RGS17: variants seen among roughly 807,000 people sequenced by gnomAD.
The protein encoded by RGS17 is regulator of G protein signaling 17.
In RGS17, 12 loss-of-function variants were observed where a neutral mutation model predicts 25.5. That is an observed-to-expected ratio of 0.47 (90% CI 0.30 to 0.76). RGS17 has a LOEUF of 0.76. Ranked by LOEUF, RGS17 falls within the 30% of genes least tolerant of loss-of-function variation. The pLI is 0.07. For synonymous variants in RGS17, 71 were observed against 76.9 expected (o/e 0.92, Z 0.40); for missense variants, 196 against 242.2 (o/e 0.81, Z 1.27).
chr6:153,070,997 G>C (rs1223941069), intron 1 of RGS17, among the ~76,000 whole-genome samples: 3 of 149,728 alleles, frequency 2.0e-5, no homozygotes, highest in South Asian at 4.2e-4. Context: ...GTGTATATAT[G>C]TACATGTGTA....
chr6:153,097,230 T>C (rs1777226207), intron 1 of RGS17, among the ~76,000 whole-genome samples: 2 of 151,738 alleles, frequency 1.3e-5, no homozygotes, highest in Non-Finnish European at 2.9e-5. Context: ...CTCCTTTAAT[T>C]CAATGGTTAT....
At chr6:153,097,805 T>C (rs1449418763) in intron 1 of RGS17, among the ~76,000 whole-genome samples, 3 of 151,902 alleles carry the variant, frequency 2.0e-5, no homozygotes, top group Non-Finnish European at 2.9e-5. Flanking sequence ...TGGTGAAAAT[T>C]AGGGTGAGTG....
intron 4 of RGS17, among the ~76,000 whole-genome samples, chr6:153,020,103 A>ATT (rs1562312899): frequency 0.012 from 403 of 34,500 alleles, 15 homozygotes; most frequent in African/African-American, 0.049. Flanking sequence ...AATATCTTAA[A>ATT]AAAAAAAAAT....
At chr6:153,115,443 A>C (rs1480280397) in intron 1 of RGS17, among the ~76,000 whole-genome samples, 1 of 152,016 alleles carries the variant, frequency 6.6e-6, no homozygotes, top group Admixed American at 6.6e-5. Context: ...ACAAATGGTA[A>C]AACATTCCAT....
intron 2 of RGS17, among the ~76,000 whole-genome samples, chr6:153,026,934 T>G (rs1779309373): frequency 6.6e-6 from 1 of 152,178 alleles, no homozygotes; most frequent in Non-Finnish European, 1.5e-5. Context: ...TTTTGGTTAA[T>G]TCTATTCATA....
At chr6:153,114,706 C>T (rs563130174) in intron 1 of RGS17, among the ~76,000 whole-genome samples, 1 of 152,300 alleles carries the variant, frequency 6.6e-6, no homozygotes, top group South Asian at 2.1e-4. Flanking sequence ...CTGAATCCAG[C>T]AGCACATTAA....
At chr6:153,093,148 G>T (rs899005838) in intron 1 of RGS17, among the ~76,000 whole-genome samples, 9 of 152,106 alleles carry the variant, frequency 5.9e-5, no homozygotes, top group Non-Finnish European at 1.0e-4. Flanking sequence ...TGTCTCATTT[G>T]ATTCTAATTT....
At chr6:153,076,460 G>A (rs545534903) in intron 1 of RGS17, among the ~76,000 whole-genome samples, 1 of 152,276 alleles carries the variant, frequency 6.6e-6, no homozygotes, top group African/African-American at 2.4e-5. Flanking sequence ...AGTCTCAGAA[G>A]CAATGATACG....
At chr6:153,017,121 C>T in intron 4 of RGS17, among the ~76,000 whole-genome samples, 1 of 152,180 alleles carries the variant, frequency 6.6e-6, no homozygotes, top group East Asian at 1.9e-4. Flanking sequence ...CCAGCAATAA[C>T]AGAATTTATA....
rs1017032491 is a variant in RGS17, at chr6:153,016,443, A to T, written c.445-4681T>A. Among the ~76,000 whole-genome samples, 4 of 152,056 alleles carry T rather than the reference A, an allele frequency of 2.6e-5. No homozygotes were observed. The South Asian group carries it at 6.2e-4, about 24-fold the overall frequency. On this transcript the variant is annotated intron_variant, in intron 4 of 4. Transcript: ENST00000206262. ...AGCAGGAAACCTTACATTAGAGATT[A>T]AAAAAGGGGGGGTCATTTACTTCTT...
rs115657841 is a variant in RGS17 at position 153,075,964 on chromosome 6, G to C, written c.-25-31921C>G. Among the ~76,000 whole-genome samples, 1,360 of 152,296 alleles carry C rather than the reference G, an allele frequency of 8.9e-3. 26 individuals are homozygous for C. The highest frequency in any genetic ancestry group is 0.031 in the African/African-American group (1,300 of 41,568). ...ACAGTAGGCGGGTGGGAATACAGTAGTGGAAATAGGGACAGTTAGAAGTCA... is the reference window on the plus strand; with the variant it reads ...ACAGTAGGCGGGTGGGAATACAGTACTGGAAATAGGGACAGTTAGAAGTCA... On this transcript the variant is annotated intron_variant, in intron 1 of 4. Coordinates refer to ENST00000206262, the MANE Select transcript of RGS17 (RefSeq NM_012419.5).
chr6:153,055,001 T>G (rs1028076003), intron 1 of RGS17, among the ~76,000 whole-genome samples: 3 of 152,172 alleles, frequency 2.0e-5, no homozygotes, highest in African/African-American at 7.2e-5. Context: ...AGGTATAATA[T>G]TTTGCTACAT....
At chr6:153,108,288 A>T (rs1378018818) in intron 1 of RGS17, among the ~76,000 whole-genome samples, 1 of 152,196 alleles carries the variant, frequency 6.6e-6, no homozygotes, top group Non-Finnish European at 1.5e-5. Flanking sequence ...TAGGTTTTCT[A>T]TCTCCATTAA....
At chr6:153,116,294 T>G (rs1467716705) in intron 1 of RGS17, among the ~76,000 whole-genome samples, 1 of 152,154 alleles carries the variant, frequency 6.6e-6, no homozygotes. Context: ...AAAGAAGACA[T>G]TTACACAGCC....
chr6:153,035,108 C>T (rs1025656529), intron 2 of RGS17, among the ~76,000 whole-genome samples: 2 of 151,270 alleles, frequency 1.3e-5, no homozygotes, highest in Non-Finnish European at 2.9e-5. Flanking sequence ...GGGCCAAGAT[C>T]GCACCACTGC....
At chr6:153,100,169 T>C (rs1335378187) in intron 1 of RGS17, among the ~76,000 whole-genome samples, 1 of 152,220 alleles carries the variant, frequency 6.6e-6, no homozygotes, top group Non-Finnish European at 1.5e-5. Flanking sequence ...CCAAATTTTA[T>C]ATGAGGCTAA....
chr6:153,121,551 A>T (rs965959986), intron 1 of RGS17, among the ~76,000 whole-genome samples: 3 of 152,204 alleles, frequency 2.0e-5, no homozygotes, highest in Non-Finnish European at 4.4e-5. Context: ...TTCCAAGCTC[A>T]CTTGTTACTC....
At chr6:153,047,815 T>C (rs1467361017) in intron 1 of RGS17, among the ~76,000 whole-genome samples, 1 of 152,202 alleles carries the variant, frequency 6.6e-6, no homozygotes, top group East Asian at 1.9e-4. Context: ...CTATGATACT[T>C]TGTCTACAGT....
chr6:153,101,206 C>G (rs1777298670), intron 1 of RGS17, among the ~76,000 whole-genome samples: 1 of 152,094 alleles, frequency 6.6e-6, no homozygotes, highest in Non-Finnish European at 1.5e-5. Context: ...TACAGTTGAC[C>G]CTTGAACAAC....
Sources: allele counts gnomAD v4.1 joint callset (sites outside exome capture counted in the v4.1 genomes callset), GRCh38; gene constraint gnomAD v4.1.1; transcripts MANE v1.5; gene names NCBI Gene and HGNC (gene_info 2026-07-23, HGNC 2026-07-21).